Variants in PRKN observed in about 807,000 individuals in gnomAD.
PRKN encodes the protein parkin RBR E3 ubiquitin protein ligase, also known as E3 ubiquitin-protein ligase parkin.
In PRKN, 56 loss-of-function variants were observed where a neutral mutation model predicts 59.5. The ratio of observed to expected loss-of-function variants is 0.94; its 90% CI spans 0.76 to 1.18. PRKN has a LOEUF of 1.18. Among genes scored for constraint, PRKN ranks in the 50% most tolerant of loss-of-function variants. PRKN has a pLI of 0.00. For missense variants in PRKN, 657 were observed against 596.4 expected, an observed-to-expected ratio of 1.10 and a Z score of -1.06; for synonymous variants, 250 against 222.1, an observed-to-expected ratio of 1.13 and a Z score of -1.12.
At chr6:162,235,605 A>C (rs369551963) in intron 3 of PRKN, among the ~76,000 whole-genome samples, 1 of 152,094 alleles carries the variant, frequency 6.6e-6, no homozygotes, top group African/African-American at 2.4e-5. Context: ...CAGGAGTTCG[A>C]GACTAGCCTG....
chr6:161,472,942 C>T lies in PRKN; in HGVS notation c.1083+75912G>A, dbSNP rs926274748. 9.2e-5 allele frequency among the ~76,000 whole-genome samples: 14 copies of T among 152,108 alleles called. No individual in the cohort carries two copies. The East Asian group carries it at 2.7e-3, about 29-fold the overall frequency. On this transcript the variant is annotated intron_variant, in intron 9 of 11. Coordinates refer to ENST00000366898, the MANE Select transcript of PRKN (RefSeq NM_004562.3). ...ACCATCAGGGACAGGCAAATGAAAA[C>T]CATGAGATAGCAACTTATACCTGTT...
intron 2 of PRKN, among the ~76,000 whole-genome samples, chr6:162,417,237 G>A (rs1210303775): frequency 2.0e-5 from 3 of 152,024 alleles, no homozygotes; most frequent in Non-Finnish European, 4.4e-5. Flanking sequence ...TTTTTCAAAA[G>A]TGCAAAAGGA....
In PRKN at chr6:162,675,252, G is replaced by A. The variant is rs35676172; in HGVS notation, c.7+52410C>T. Among the ~76,000 whole-genome samples the A allele has an allele frequency of 8.3e-3, 1,257 of 152,056 alleles. 16 individuals carry two copies. The highest frequency in any genetic ancestry group is 0.012 in the Non-Finnish European group (792 of 67,992). ...TTTAGTAGAGATAGGGTTTCACAACGTTGGCCAGAATGGTCTCGATCTCTT... is the reference window on the plus strand; with the variant it reads ...TTTAGTAGAGATAGGGTTTCACAACATTGGCCAGAATGGTCTCGATCTCTT... On this transcript the variant is annotated intron_variant, in intron 1 of 11. Coordinates refer to ENST00000366898, the MANE Select transcript of PRKN (RefSeq NM_004562.3).
chr6:162,018,475 A>C (rs1458888408), intron 5 of PRKN, among the ~76,000 whole-genome samples: 1 of 152,194 alleles, frequency 6.6e-6, no homozygotes, highest in Non-Finnish European at 1.5e-5. Flanking sequence ...AATTACTTGG[A>C]GTCTAAATTA....
At chr6:161,567,923 C>G (rs1232017797) in intron 8 of PRKN, among the ~76,000 whole-genome samples, 1 of 152,170 alleles carries the variant, frequency 6.6e-6, no homozygotes, top group Non-Finnish European at 1.5e-5. Flanking sequence ...GCTGTGAGAT[C>G]CAGGTGTCTT....
rs142423095 is a variant in PRKN at position 162,423,689 on chromosome 6, C to T, written c.171+19621G>A. On this transcript the variant is annotated intron_variant, in intron 2 of 11. Transcript: ENST00000366898. ...TGAATTTCTAATTCTAGGAACTGGT[C>T]GTCATCAGAAATTGATGAAGACTTC... Among the ~76,000 whole-genome samples the T allele has an allele frequency of 2.0e-3, 306 of 152,182 alleles. 1 individual carries two copies. The highest frequency in any genetic ancestry group is 7.1e-3 in the African/African-American group (293 of 41,518).
chr6:162,483,887 T>C lies in PRKN; in HGVS notation c.8-40414A>G, dbSNP rs148550413. On this transcript the variant is annotated intron_variant, in intron 1 of 11. Transcript: ENST00000366898. ...AAAAAATTCAGCTCAGTGTCAATAA[T>C]AGGGGACAAGTTAAGTTAAATACCT... 3.6e-3 allele frequency among the ~76,000 whole-genome samples: 543 copies of C among 152,320 alleles called. 3 individuals carry two copies. The highest frequency in any genetic ancestry group is 0.012 in the African/African-American group (514 of 41,582).
intron 4 of PRKN, among the ~76,000 whole-genome samples, chr6:162,077,550 T>C (rs1454383472): frequency 6.6e-6 from 1 of 152,048 alleles, no homozygotes; most frequent in African/African-American, 2.4e-5. Context: ...TATAAATTGC[T>C]TGTGATTATT....
At chr6:162,223,650 CACACACACACA>C (rs763895069) in intron 3 of PRKN, among the ~76,000 whole-genome samples, 2,952 of 103,930 alleles carry the variant, frequency 0.028, 64 homozygotes, top group East Asian at 0.13. Flanking sequence ...CACACACACA[CACACACACACA>C]AACATAATGC....
intron 1 of PRKN, among the ~76,000 whole-genome samples, chr6:162,533,186 C>T (rs1778581520): frequency 6.6e-6 from 1 of 152,106 alleles, no homozygotes; most frequent in African/African-American, 2.4e-5. Context: ...CATGTTTTAC[C>T]CAGTTACAAT....
intron 6 of PRKN, among the ~76,000 whole-genome samples, chr6:161,816,068 G>A (rs1001090): frequency 0.68 from 103,738 of 151,948 alleles, 35,945 homozygotes; most frequent in East Asian, 0.79. Context: ...TGGCAGCTCT[G>A]TTTGAAATAG....
intron 7 of PRKN, among the ~76,000 whole-genome samples, chr6:161,711,925 G>A (rs749322555): frequency 2.0e-5 from 3 of 152,110 alleles, no homozygotes; most frequent in Non-Finnish European, 4.4e-5. Context: ...TTGCACTATC[G>A]GCTTTCCTAC....
chr6:161,839,533 T>C (rs1792897783), intron 6 of PRKN, among the ~76,000 whole-genome samples: 1 of 152,026 alleles, frequency 6.6e-6, no homozygotes, highest in African/African-American at 2.4e-5. Context: ...TTCGAGGAGG[T>C]AGCCGGGGGT....
intron 1 of PRKN, among the ~76,000 whole-genome samples, chr6:162,526,979 C>T (rs1238400274): frequency 6.6e-6 from 1 of 151,978 alleles, no homozygotes; most frequent in Non-Finnish European, 1.5e-5. Flanking sequence ...GGAAAATAAC[C>T]TGTGTGAGGC....
intron 9 of PRKN, among the ~76,000 whole-genome samples, chr6:161,449,611 G>A (rs917595626): frequency 6.6e-6 from 1 of 152,106 alleles, no homozygotes; most frequent in Non-Finnish European, 1.5e-5. Flanking sequence ...TGTTGAAGAG[G>A]CTCAGCCAAG....
chr6:161,891,849 G>A (rs1212242235), intron 6 of PRKN, among the ~76,000 whole-genome samples: 3 of 152,144 alleles, frequency 2.0e-5, no homozygotes, highest in African/African-American at 4.8e-5. Flanking sequence ...CAAATATGTA[G>A]GTTAAGAGCC....
intron 6 of PRKN, among the ~76,000 whole-genome samples, chr6:161,898,794 T>C (rs1777764394): frequency 6.6e-6 from 1 of 152,212 alleles, no homozygotes; most frequent in Non-Finnish European, 1.5e-5. Flanking sequence ...CTGCAACAGC[T>C]TTAATTTTAA....
intron 2 of PRKN, chr6:162,269,612 G>C (rs536644054): frequency 6.6e-6 from 1 of 152,264 alleles, no homozygotes; most frequent in South Asian, 2.1e-4. Flanking sequence ...CATACTTACT[G>C]TACCACTGTC....
chr6:162,348,616 AG>A (rs1368993066), intron 2 of PRKN, among the ~76,000 whole-genome samples: 4 of 152,206 alleles, frequency 2.6e-5, no homozygotes, highest in Admixed American at 1.3e-4. Flanking sequence ...GTAAAGTGTC[AG>A]ACAATAAATA....
Sources: gnomAD v4.1 joint callset for allele counts (sites outside exome capture counted in the v4.1 genomes callset) on GRCh38, gnomAD v4.1.1 for gene constraint, MANE v1.5 for transcripts, NCBI Gene and HGNC (gene_info 2026-07-23, HGNC 2026-07-21) for gene names.